ATP6V1C2: variants seen among roughly 807,000 people sequenced by gnomAD.
ATP6V1C2 encodes the protein ATPase H+ transporting V1 subunit C2.
A neutral mutation model predicts 56.8 loss-of-function variants in ATP6V1C2; 45 were observed. The observed-to-expected ratio is 0.79, with a 90% CI of 0.62 to 1.02. The LOEUF is 1.02. Among genes scored for constraint, ATP6V1C2 ranks in the 50% least tolerant of loss-of-function variants. The pLI, the probability that ATP6V1C2 is intolerant of heterozygous loss-of-function variation, is 0.00. For synonymous variants in ATP6V1C2, 220 were observed against 201.3 expected (o/e 1.09, Z -0.79); for missense variants, 463 against 519.7 (o/e 0.89, Z 1.06).
intron 3 of ATP6V1C2, among the ~76,000 whole-genome samples, chr2:10,728,643 G>A (rs1345051570): frequency 6.6e-6 from 1 of 152,040 alleles, no homozygotes; most frequent in South Asian, 2.1e-4. Context: ...GGGTATGGTG[G>A]TATGTGCCTG....
At chr2:10,772,902 G>C (rs1664720145) in intron 8 of ATP6V1C2, among the ~76,000 whole-genome samples, 1 of 152,196 alleles carries the variant, frequency 6.6e-6, no homozygotes, top group African/African-American at 2.4e-5. Context: ...TTCTGGCTCT[G>C]TGTTCTCGGC....
Position 10,756,445 on chromosome 2 carries a change from C to T in ATP6V1C2, c.283+2379C>T, listed in dbSNP as rs549545282. ...AGAAATATTTAGATATATTGCCGGGCGCAGTGGCTCACACCTGTAATCCCA... is the reference window on the plus strand; with the variant it reads ...AGAAATATTTAGATATATTGCCGGGTGCAGTGGCTCACACCTGTAATCCCA... On this transcript the variant is annotated intron_variant, in intron 4 of 13. Transcript: ENST00000272238. Among the ~76,000 whole-genome samples, 8 of 151,358 alleles carry T rather than the reference C, an allele frequency of 5.3e-5. No homozygotes were observed. The South Asian group carries it at 1.3e-3, about 24-fold the overall frequency.
chr2:10,753,274 A>G (rs1663324017), intron 3 of ATP6V1C2, among the ~76,000 whole-genome samples: 3 of 152,216 alleles, frequency 2.0e-5, no homozygotes, highest in South Asian at 2.1e-4. Context: ...TTCCAACATT[A>G]TAATACACGC....
At chr2:10,723,552 A>G (rs1213154455) in intron 2 of ATP6V1C2, among the ~76,000 whole-genome samples, 1 of 151,914 alleles carries the variant, frequency 6.6e-6, no homozygotes, top group African/African-American at 2.4e-5. Context: ...ATTAAGGAAG[A>G]ATGAGGCCAG....
At chr2:10,753,802 G>A (rs1663359633) in intron 3 of ATP6V1C2, among the ~76,000 whole-genome samples, 179 bp from the exon 4 acceptor site, 1 of 152,000 alleles carries the variant, frequency 6.6e-6, no homozygotes, top group African/African-American at 2.4e-5. Flanking sequence ...GTGCTGGGAT[G>A]GGATTACAGG....
intron 3 of ATP6V1C2, among the ~76,000 whole-genome samples, chr2:10,737,505 A>G (rs1662318391): frequency 6.6e-6 from 1 of 151,958 alleles, no homozygotes; most frequent in African/African-American, 2.4e-5. Context: ...GTGACCTAAT[A>G]TATTGCCTAT....
In ATP6V1C2 at chr2:10,774,795, A is replaced by G; in HGVS notation, c.646A>G (p.Thr216Ala). 6.2e-7 allele frequency: 1 copy of G among 1,613,922 alleles called. No individual in the cohort carries two copies. The highest frequency in any genetic ancestry group is 8.5e-7 in the Non-Finnish European group (1 of 1,179,806). ...GATGCTTCTCTCCAACAGACTCATT[A>G]CTGAGGACAAGGAAGGGGGCCTTTT... ...MVVPRSTKLI[T>A]EDKEGGLFTV... is the part of the protein sequence containing the mutation. Residue 216 changes from threonine to alanine, a missense_variant, in exon 9 of 14, where the codon ACT becomes GCT. Coordinates refer to ENST00000272238, the MANE Select transcript of ATP6V1C2 (RefSeq NM_001039362.2).
intron 3 of ATP6V1C2, among the ~76,000 whole-genome samples, chr2:10,745,679 G>A (rs746385371): frequency 3.3e-5 from 5 of 151,958 alleles, no homozygotes; most frequent in Admixed American, 6.6e-5. Flanking sequence ...CGTTAAGTAC[G>A]TTCACACTGC....
At chr2:10,750,930 T>A (rs1239536462) in intron 3 of ATP6V1C2, among the ~76,000 whole-genome samples, 2 of 152,176 alleles carry the variant, frequency 1.3e-5, no homozygotes, top group African/African-American at 4.8e-5. Flanking sequence ...GCATAGTAGT[T>A]GTTAGTGCTT....
chr2:10,758,130 C>T (rs1572564415), intron 4 of ATP6V1C2, among the ~76,000 whole-genome samples: 5 of 152,244 alleles, frequency 3.3e-5, no homozygotes, highest in African/African-American at 7.2e-5. Context: ...GTTGACCAAG[C>T]GGGTCTGATT....
rs1003663358 is a variant in ATP6V1C2, at chr2:10,726,712, C to G, written c.197+143C>G. 5.5e-6 allele frequency: 4 copies of G among 733,796 alleles called. No individual in the cohort carries two copies. The African/African-American group carries it at 7.0e-5, about 13-fold the overall frequency. 45.5% of individuals were successfully genotyped at this position (733,796 alleles called of 1,614,324 possible). ...TGAGCAGAGAAAACCGATCAGTCCC[C>G]CTGCGGGTGCTGGGTCTGCAGGAGC... On this transcript the variant is annotated intron_variant, in intron 3 of 13. Transcript: ENST00000272238.
At chr2:10,723,763 C>T (rs1022171995) in intron 2 of ATP6V1C2, among the ~76,000 whole-genome samples, 12 of 146,544 alleles carry the variant, frequency 8.2e-5, no homozygotes, top group Middle Eastern at 3.6e-3. Context: ...GGTGTGAATC[C>T]GGGAGGTGGA....
rs774349333 is a variant in ATP6V1C2, at chr2:10,768,811, G to A, written c.470+1G>A. On this transcript the variant is annotated splice_donor_variant, in intron 6 of 13. Coordinates refer to ENST00000272238, the MANE Select transcript of ATP6V1C2 (RefSeq NM_001039362.2). LOFTEE classifies it high-confidence loss of function. ...TGGAGAACCTGGAAAAGAAATCCAT[G>A]TGTGTATTTGCCAGCCTCCACATCT... The A allele has an allele frequency of 1.2e-6, 2 of 1,613,438 alleles. No individual in the cohort carries two copies. Among genetic ancestry groups the A allele is most frequent in the Non-Finnish European group, 1.7e-6 (2 of 1,179,746 alleles).
In ATP6V1C2 at chr2:10,764,381, C is replaced by G; in HGVS notation, c.334C>G (p.Pro112Ala). 1.9e-6 allele frequency: 3 copies of G among 1,614,164 alleles called. No individual in the cohort carries two copies. The highest frequency in any genetic ancestry group is 2.5e-6 in the Non-Finnish European group (3 of 1,179,986). The change falls in exon 5 of 14, where the codon CCT becomes GCT. Residue 112 changes from proline (P) to alanine (A), a missense_variant. Physicochemically the swap from Pro to Ala is conservative, Grantham distance 27. Coordinates refer to ENST00000272238, the MANE Select transcript of ATP6V1C2 (RefSeq NM_001039362.2). ...THFEWDMAKY[P>A]VKQPLVSVVD... ...CTTTGAATGGGACATGGCCAAATAT[C>G]CTGTCAAGCAGCCGCTCGTGAGTGT...
chr2:10,731,059 C>T (rs1291278508), intron 3 of ATP6V1C2, among the ~76,000 whole-genome samples: 1 of 152,180 alleles, frequency 6.6e-6, no homozygotes, highest in Non-Finnish European at 1.5e-5. Flanking sequence ...TCAAGTGATC[C>T]TCCCGCCTCA....
intron 11 of ATP6V1C2, 82 bp from the exon 12 acceptor site, chr2:10,778,490 T>A (rs774814213): frequency 3.0e-5 from 39 of 1,321,226 alleles, no homozygotes; most frequent in Non-Finnish European, 4.1e-5. Flanking sequence ...CAGGGCGTGC[T>A]CTGTCAAAAC....
At chr2:10,771,770 G>T in intron 6 of ATP6V1C2, 69 bp from the exon 7 acceptor site, 2 of 1,239,796 alleles carry the variant, frequency 1.6e-6, no homozygotes, top group South Asian at 1.2e-5. Flanking sequence ...CCGGGTGTGG[G>T]TGTGTGTGGG....
intron 4 of ATP6V1C2, 87 bp from the exon 5 acceptor site, chr2:10,764,244 C>G: frequency 3.3e-6 from 4 of 1,230,582 alleles, no homozygotes; most frequent in Non-Finnish European, 4.8e-6. Context: ...TTCGTGTCCA[C>G]GCTGATGCTT....
chr2:10,722,334 A>G (rs1305533865), intron 1 of ATP6V1C2, among the ~76,000 whole-genome samples: 1 of 151,996 alleles, frequency 6.6e-6, no homozygotes, highest in African/African-American at 2.4e-5. Flanking sequence ...AATCCTCTGA[A>G]GTCTATTTTT....
Sources: allele counts gnomAD v4.1 joint callset (sites outside exome capture counted in the v4.1 genomes callset), GRCh38; gene constraint gnomAD v4.1.1; transcripts MANE v1.5; gene names NCBI Gene and HGNC (gene_info 2026-07-23, HGNC 2026-07-21).